TRAPPC9: variants seen among roughly 807,000 people sequenced by gnomAD.
TRAPPC9 encodes trafficking protein particle complex subunit 9, also known as IKK2 binding protein.
Under a neutral mutation model 124.0 loss-of-function variants are expected in TRAPPC9, and 83 were observed. The observed-to-expected ratio is 0.67, with a 90% CI of 0.56 to 0.80. The LOEUF is 0.80. TRAPPC9 is among the 30% of genes least tolerant of loss of function. TRAPPC9 has a pLI of 0.00. For missense variants in TRAPPC9, 1,302 were observed against 1,508.3 expected (o/e 0.86, Z 2.27); for synonymous variants, 638 against 617.5 (o/e 1.03, Z -0.49).
At chr8:140,075,973 CGAG>C (rs562554559) in intron 17 of TRAPPC9, among the ~76,000 whole-genome samples, 81 of 152,194 alleles carry the variant, frequency 5.3e-4, no homozygotes, top group Non-Finnish European at 1.0e-3. Context: ...GCAACGATAA[CGAG>C]AAGAGCAGTG....
At chr8:140,430,859 C>A (rs2070613629) in intron 4 of TRAPPC9, among the ~76,000 whole-genome samples, 1 of 152,024 alleles carries the variant, frequency 6.6e-6, no homozygotes, top group South Asian at 2.1e-4. Context: ...AGGCTGGTCT[C>A]AAATTCCTGG....
At chr8:139,930,794 G>A (rs1221787219) in intron 19 of TRAPPC9, among the ~76,000 whole-genome samples, 1 of 152,230 alleles carries the variant, frequency 6.6e-6, no homozygotes, top group Non-Finnish European at 1.5e-5. Flanking sequence ...CCTCTGAGGA[G>A]ACGCTCAAAA....
intron 21 of TRAPPC9, among the ~76,000 whole-genome samples, chr8:139,761,727 C>T (rs985003113): frequency 6.6e-6 from 1 of 152,030 alleles, no homozygotes; most frequent in South Asian, 2.1e-4. Context: ...GCCCACTGGA[C>T]AGTGGCCCAA....
chr8:140,305,791 T>C (rs2066113054), intron 10 of TRAPPC9, among the ~76,000 whole-genome samples: 1 of 152,224 alleles, frequency 6.6e-6, no homozygotes, highest in Admixed American at 6.5e-5. Context: ...CAAAGAGCTT[T>C]TCTGCTTATA....
At chr8:140,301,805 C>T (rs572353829) in intron 10 of TRAPPC9, among the ~76,000 whole-genome samples, 13 of 152,164 alleles carry the variant, frequency 8.5e-5, no homozygotes, top group East Asian at 1.9e-4. Flanking sequence ...GACGGGCCAG[C>T]CCCCAGCTCT....
At chr8:140,051,890 C>G (rs576376461) in intron 17 of TRAPPC9, among the ~76,000 whole-genome samples, 17 of 152,266 alleles carry the variant, frequency 1.1e-4, no homozygotes, top group Middle Eastern at 3.4e-3. Flanking sequence ...AGGAGTTTAA[C>G]TGTGTTTCCA....
intron 16 of TRAPPC9, among the ~76,000 whole-genome samples, chr8:140,244,834 G>A (rs946903476): frequency 9.2e-6 from 1 of 108,982 alleles, no homozygotes; most frequent in Non-Finnish European, 1.7e-5. Context: ...TTGAGACAGA[G>A]TTTCGCTCTG....
At chr8:140,085,172 G>A (rs1031536560) in intron 17 of TRAPPC9, among the ~76,000 whole-genome samples, 3 of 152,046 alleles carry the variant, frequency 2.0e-5, no homozygotes, top group South Asian at 2.1e-4. Context: ...AGAGTTCCCC[G>A]ACGCTCCACA....
intron 7 of TRAPPC9, among the ~76,000 whole-genome samples, chr8:140,382,847 G>A (rs899773159): frequency 2.0e-5 from 3 of 152,250 alleles, no homozygotes; most frequent in South Asian, 4.1e-4. Context: ...ATCTGAGAAC[G>A]GACAGACTAC....
chr8:140,200,830 A>G (rs2062770693), intron 17 of TRAPPC9, among the ~76,000 whole-genome samples: 1 of 152,178 alleles, frequency 6.6e-6, no homozygotes, highest in Non-Finnish European at 1.5e-5. Flanking sequence ...ACAGTGACGC[A>G]CCCACGTTGG....
chr8:139,803,833 C>T (rs750375640), intron 21 of TRAPPC9, among the ~76,000 whole-genome samples: 6 of 152,146 alleles, frequency 3.9e-5, no homozygotes, highest in Admixed American at 2.6e-4. Context: ...CCAAGAGGAC[C>T]GGGCTGTGGC....
At chr8:140,193,605 G>A (rs1286824322) in intron 17 of TRAPPC9, among the ~76,000 whole-genome samples, 1 of 139,058 alleles carries the variant, frequency 7.2e-6, no homozygotes, top group East Asian at 2.0e-4. Flanking sequence ...AGGGCAGAAG[G>A]GATCTTTGTA....
intron 19 of TRAPPC9, among the ~76,000 whole-genome samples, chr8:139,986,247 A>G (rs1837234125): frequency 6.6e-6 from 1 of 152,190 alleles, no homozygotes; most frequent in African/African-American, 2.4e-5. Flanking sequence ...TGTATCAAAA[A>G]AACAAAAAAC....
chr8:139,920,521 G>A (rs1181233606), intron 19 of TRAPPC9, among the ~76,000 whole-genome samples: 1 of 152,248 alleles, frequency 6.6e-6, no homozygotes, highest in African/African-American at 2.4e-5. Flanking sequence ...TGCCTACACA[G>A]TGGCAGCCAG....
At chr8:140,147,742 A>G (rs575580825) in intron 17 of TRAPPC9, among the ~76,000 whole-genome samples, 30 of 152,324 alleles carry the variant, frequency 2.0e-4, no homozygotes, top group South Asian at 4.1e-4. Context: ...GCATTTTCGT[A>G]TGGATTACTT....
chr8:139,891,358 G>A (rs1830333785), intron 20 of TRAPPC9, among the ~76,000 whole-genome samples: 3 of 152,266 alleles, frequency 2.0e-5, no homozygotes, highest in Admixed American at 2.0e-4. Flanking sequence ...GAGGCCCAGG[G>A]ACACCTGTCC....
At chr8:139,877,468 G>T (rs547413008) in intron 21 of TRAPPC9, among the ~76,000 whole-genome samples, 1 of 152,190 alleles carries the variant, frequency 6.6e-6, no homozygotes, top group Non-Finnish European at 1.5e-5. Context: ...GGGCTGAGAC[G>T]GAGGGGTCTC....
intron 19 of TRAPPC9, among the ~76,000 whole-genome samples, chr8:139,958,947 G>C (rs1476462120): frequency 1.5e-5 from 2 of 134,612 alleles, no homozygotes; most frequent in African/African-American, 5.4e-5. Context: ...ACTGCATTCC[G>C]AGTCACACGG....
At chr8:140,074,566 T>C (rs933822642) in intron 17 of TRAPPC9, among the ~76,000 whole-genome samples, 5 of 152,136 alleles carry the variant, frequency 3.3e-5, no homozygotes, top group African/African-American at 9.7e-5. Context: ...CTGATGTCGC[T>C]GCACTTAACA....
Sources: allele counts gnomAD v4.1 joint callset (sites outside exome capture counted in the v4.1 genomes callset), GRCh38; gene constraint gnomAD v4.1.1; transcripts MANE v1.5; gene names NCBI Gene and HGNC (gene_info 2026-07-23, HGNC 2026-07-21).